Variants in AUH observed in about 807,000 individuals in gnomAD.
AUH encodes the protein AU RNA binding methylglutaconyl-CoA hydratase.
Under a neutral mutation model 42.3 loss-of-function variants are expected in AUH, and 29 were observed. The ratio of observed to expected loss-of-function variants is 0.69; its 90% CI spans 0.51 to 0.93. The LOEUF is 0.93. AUH is among the 40% of genes least tolerant of loss of function. The pLI is 0.00. For missense variants in AUH, 452 were observed against 438.1 expected (o/e 1.03, Z -0.28); for synonymous variants, 174 against 166.4 (o/e 1.05, Z -0.35).
At chr9:91,291,408 A>C (rs1826875695) in intron 6 of AUH, among the ~76,000 whole-genome samples, 1 of 152,232 alleles carries the variant, frequency 6.6e-6, no homozygotes, top group South Asian at 2.1e-4. Flanking sequence ...ACAAATGCTT[A>C]CTTCTCAAAA....
At chr9:91,323,963 T>C (rs1587858527) in intron 4 of AUH, among the ~76,000 whole-genome samples, 1 of 152,106 alleles carries the variant, frequency 6.6e-6, no homozygotes, top group Non-Finnish European at 1.5e-5. Flanking sequence ...CTAAATTCAT[T>C]TGGAAAAACT....
At chr9:91,239,348 T>C (rs941286462) in intron 6 of AUH, among the ~76,000 whole-genome samples, 2 of 152,234 alleles carry the variant, frequency 1.3e-5, no homozygotes, top group African/African-American at 4.8e-5. Context: ...GAATTACTTA[T>C]AAATCTTCTC....
chr9:91,238,797 G>T (rs897989690), intron 6 of AUH, among the ~76,000 whole-genome samples: 7 of 152,162 alleles, frequency 4.6e-5, no homozygotes, highest in Non-Finnish European at 1.0e-4. Flanking sequence ...GCAAGCTTTT[G>T]CCAGAGAAGG....
intron 6 of AUH, among the ~76,000 whole-genome samples, chr9:91,286,808 G>A (rs1430588400): frequency 5.3e-5 from 8 of 151,686 alleles, no homozygotes; most frequent in African/African-American, 1.9e-4. Flanking sequence ...CTGAGGAGAT[G>A]TTAGCCAAAG....
chr9:91,224,546 T>C (rs1827325582), intron 6 of AUH, among the ~76,000 whole-genome samples: 1 of 152,208 alleles, frequency 6.6e-6, no homozygotes, highest in African/African-American at 2.4e-5. Flanking sequence ...TATAAAGCTT[T>C]TTCTTTATGC....
At chr9:91,255,516 G>A (rs538416495) in intron 6 of AUH, among the ~76,000 whole-genome samples, 1 of 152,258 alleles carries the variant, frequency 6.6e-6, no homozygotes, top group South Asian at 2.1e-4. Context: ...TTGCCCAGCT[G>A]CTTGTAATAA....
At chr9:91,299,411 C>A (rs1827608859) in intron 4 of AUH, among the ~76,000 whole-genome samples, 1 of 152,044 alleles carries the variant, frequency 6.6e-6, no homozygotes, top group Middle Eastern at 3.2e-3. Context: ...TCTGAAAAGG[C>A]CAGGAAGGAG....
At chr9:91,263,151 T>C (rs1190888793) in intron 6 of AUH, among the ~76,000 whole-genome samples, 1 of 152,216 alleles carries the variant, frequency 6.6e-6, no homozygotes, top group Non-Finnish European at 1.5e-5. Context: ...TGACCAAATG[T>C]CTATTTGATG....
chr9:91,339,326 T>G (rs1830929581), intron 3 of AUH, among the ~76,000 whole-genome samples: 1 of 152,374 alleles, frequency 6.6e-6, no homozygotes, highest in South Asian at 2.1e-4. Context: ...AGTGAGGGAC[T>G]GTACTGTCAA....
intron 6 of AUH, among the ~76,000 whole-genome samples, chr9:91,221,572 G>A (rs915010722): frequency 1.3e-5 from 2 of 152,036 alleles, no homozygotes; most frequent in East Asian, 1.9e-4. Context: ...CTCTTCTCTC[G>A]GAGACGCTCT....
intron 4 of AUH, among the ~76,000 whole-genome samples, chr9:91,315,218 CA>C (rs1829061830): frequency 6.6e-6 from 1 of 152,208 alleles, no homozygotes; most frequent in Admixed American, 6.5e-5. Flanking sequence ...GGATTACAGG[CA>C]TGAGCCACCG....
rs1361303877 is a variant in AUH at position 91,214,352 on chromosome 9, TCTC to T, written c.1013_1015del (p.Gly338del). 3 of 1,606,722 alleles carry T rather than the reference TCTC, an allele frequency of 1.9e-6. No homozygotes were observed. The Admixed American group carries it at 5.0e-5, about 27-fold the overall frequency. ...TCTTAAGAATTTCTGTTCCTTTTATTCTCCTTTATAGCGAGGGGGCCTTTTCTC... is the reference window on the plus strand; with the variant it reads ...TCTTAAGAATTTCTGTTCCTTTTATTCTTTATAGCGAGGGGGCCTTTTCTC... On this transcript the variant is annotated inframe_deletion, in exon 10 of 10. Coordinates refer to ENST00000375731, the MANE Select transcript of AUH (RefSeq NM_001698.3).
chr9:91,274,706 G>A (rs1825410876), intron 6 of AUH, among the ~76,000 whole-genome samples: 1 of 152,098 alleles, frequency 6.6e-6, no homozygotes, highest in South Asian at 2.1e-4. Flanking sequence ...ACAACAACAA[G>A]ATGAAAGTGA....
intron 6 of AUH, among the ~76,000 whole-genome samples, chr9:91,295,610 A>G (rs1439450458): frequency 1.3e-5 from 2 of 152,194 alleles, no homozygotes; most frequent in Non-Finnish European, 2.9e-5. Flanking sequence ...CAGCCTCAAC[A>G]TCAAGGCAAA....
chr9:91,250,375 A>C (rs1829059043), intron 6 of AUH, among the ~76,000 whole-genome samples: 1 of 152,212 alleles, frequency 6.6e-6, no homozygotes, highest in Non-Finnish European at 1.5e-5. Flanking sequence ...TCACTCAGCA[A>C]ACACAGTGTC....
At chr9:91,241,654 C>T (rs1212725517) in intron 6 of AUH, among the ~76,000 whole-genome samples, 2 of 151,968 alleles carry the variant, frequency 1.3e-5, no homozygotes, top group African/African-American at 2.4e-5. Flanking sequence ...GTAACATTTG[C>T]CAGAGATATA....
intron 4 of AUH, among the ~76,000 whole-genome samples, chr9:91,324,520 T>TAAA (rs200031880): frequency 1.6e-5 from 1 of 63,012 alleles, no homozygotes; most frequent in East Asian, 3.0e-4. Flanking sequence ...AATCAAAAAT[T>TAAA]AAAAAAAAAA....
intron 6 of AUH, among the ~76,000 whole-genome samples, chr9:91,226,506 G>C (rs1483980377): frequency 1.3e-5 from 2 of 151,694 alleles, no homozygotes; most frequent in Non-Finnish European, 2.9e-5. Flanking sequence ...TAGGTTGCCT[G>C]TTCACTCTGA....
intron 1 of AUH, among the ~76,000 whole-genome samples, chr9:91,358,706 G>A (rs1832625090): frequency 6.6e-6 from 1 of 152,140 alleles, no homozygotes; most frequent in African/African-American, 2.4e-5. Flanking sequence ...TTACTGAAGG[G>A]TAAAGTGCCA....
Sources: gnomAD v4.1 joint callset for allele counts (sites outside exome capture counted in the v4.1 genomes callset) on GRCh38, gnomAD v4.1.1 for gene constraint, MANE v1.5 for transcripts, NCBI Gene and HGNC (gene_info 2026-07-23, HGNC 2026-07-21) for gene names.